CADPS2: variants seen among roughly 807,000 people sequenced by gnomAD.
The protein encoded by CADPS2 is calcium-dependent secretion activator 2.
A neutral mutation model predicts 172.5 loss-of-function variants in CADPS2; 93 were observed. That is an observed-to-expected ratio of 0.54 (90% confidence interval 0.46 to 0.64). The LOEUF (loss-of-function observed/expected upper bound fraction) is 0.64. Among genes scored for constraint, CADPS2 ranks in the 30% least tolerant of loss-of-function variants. The pLI is 0.00. For missense variants in CADPS2, 1,420 were observed against 1,565.9 expected (o/e 0.91, Z 1.57); for synonymous variants, 546 against 555.2 (o/e 0.98, Z 0.23).
chr7:122,720,947 G>A (rs1218327187), intron 2 of CADPS2, among the ~76,000 whole-genome samples: 3 of 151,950 alleles, frequency 2.0e-5, no homozygotes, highest in Admixed American at 6.6e-5. Flanking sequence ...TGAAATATAT[G>A]TGCCAGGCGT....
chr7:122,493,630 A>T (rs2058490158), intron 9 of CADPS2, among the ~76,000 whole-genome samples: 1 of 152,144 alleles, frequency 6.6e-6, no homozygotes, highest in Non-Finnish European at 1.5e-5. Flanking sequence ...ATCTGGCAAC[A>T]GGTTCTATGA....
intron 1 of CADPS2, among the ~76,000 whole-genome samples, chr7:122,797,912 T>C (rs1031942650): frequency 4.6e-5 from 7 of 152,150 alleles, no homozygotes; most frequent in Non-Finnish European, 5.9e-5. Context: ...GAATGTATGA[T>C]TTTAACTCAT....
chr7:122,550,061 G>A (rs547411076), intron 8 of CADPS2, among the ~76,000 whole-genome samples: 1 of 143,924 alleles, frequency 6.9e-6, no homozygotes, highest in Non-Finnish European at 1.5e-5. Context: ...AATATTTAGT[G>A]TGTGAATGCA....
intron 17 of CADPS2, among the ~76,000 whole-genome samples, chr7:122,429,895 A>G (rs2049657457): frequency 6.6e-6 from 1 of 152,108 alleles, no homozygotes; most frequent in Non-Finnish European, 1.5e-5. Flanking sequence ...TTTTTTTAAT[A>G]AACACGTGGC....
At chr7:122,677,415 G>C (rs1357039257) in intron 2 of CADPS2, among the ~76,000 whole-genome samples, 1 of 152,202 alleles carries the variant, frequency 6.6e-6, no homozygotes, top group Non-Finnish European at 1.5e-5. Context: ...TGAAGGGCCT[G>C]AGAGTACAGT....
chr7:122,352,634 A>C (rs894181405), intron 27 of CADPS2, among the ~76,000 whole-genome samples: 1 of 152,200 alleles, frequency 6.6e-6, no homozygotes, highest in Non-Finnish European at 1.5e-5. Flanking sequence ...CTCTAGGTGA[A>C]TATGCCCCTG....
chr7:122,786,532 G>C (rs1423165486), intron 1 of CADPS2, among the ~76,000 whole-genome samples: 5 of 152,130 alleles, frequency 3.3e-5, no homozygotes, highest in African/African-American at 1.2e-4. Flanking sequence ...AATTTATGAA[G>C]AACTTTGATA....
intron 2 of CADPS2, among the ~76,000 whole-genome samples, chr7:122,685,220 T>A (rs940757512): frequency 6.6e-6 from 1 of 152,120 alleles, no homozygotes; most frequent in African/African-American, 2.4e-5. Context: ...CCAAACAATA[T>A]CAAACTCCTT....
At position 122,399,872 on chromosome 7, in the gene CADPS2, G is replaced by C. The variant is rs1445508755; in HGVS notation, c.2747-6290C>G. ...CGGCTAACTTTTTGTATTTTTAGTA[G>C]AGACGGGGTTTCACCGTGGTCTCGA... is the stretch of plus-strand genomic sequence containing the variant. On this transcript the variant is annotated intron_variant, in intron 20 of 29. Coordinates refer to ENST00000449022, the MANE Select transcript of CADPS2 (RefSeq NM_017954.11). Among the ~76,000 whole-genome samples, 16 of 149,452 alleles carry C rather than the reference G, an allele frequency of 1.1e-4. No individual in the cohort carries two copies. In the East Asian group the frequency reaches 3.3e-3, roughly 31 times the overall value.
At chr7:122,601,351 T>A (rs1395604373) in intron 6 of CADPS2, among the ~76,000 whole-genome samples, 2 of 152,084 alleles carry the variant, frequency 1.3e-5, no homozygotes, top group Non-Finnish European at 2.9e-5. Context: ...TTGCTTCAGG[T>A]AAAATTTGCT....
At chr7:122,880,764 T>C (rs1822712291) in intron 1 of CADPS2, among the ~76,000 whole-genome samples, 2 of 152,238 alleles carry the variant, frequency 1.3e-5, no homozygotes, top group Non-Finnish European at 1.5e-5. Context: ...AAGGAAATCA[T>C]ATCAAAACAT....
At chr7:122,704,704 C>T (rs911199387) in intron 2 of CADPS2, among the ~76,000 whole-genome samples, 16 of 151,994 alleles carry the variant, frequency 1.1e-4, no homozygotes, top group African/African-American at 3.9e-4. Flanking sequence ...TAGAACTGCC[C>T]TCTCTTCTGC....
intron 8 of CADPS2, among the ~76,000 whole-genome samples, chr7:122,541,199 ATTTTTTTT>A (rs35364064): frequency 7.2e-6 from 1 of 138,126 alleles, no homozygotes; most frequent in African/African-American, 2.7e-5. Context: ...TTATGAGATG[ATTTTTTTT>A]TTTTTTTTTG....
intron 1 of CADPS2, among the ~76,000 whole-genome samples, chr7:122,839,107 C>A (rs1004891610): frequency 6.6e-6 from 1 of 152,018 alleles, no homozygotes; most frequent in Non-Finnish European, 1.5e-5. Context: ...CAGAACAGAG[C>A]CCTCAGAAAT....
chr7:122,820,298 A>G (rs144452351), intron 1 of CADPS2, among the ~76,000 whole-genome samples: 6 of 152,092 alleles, frequency 3.9e-5, no homozygotes, highest in Non-Finnish European at 8.8e-5. Context: ...AGCTTCACAG[A>G]TAGCCCCCAT....
intron 1 of CADPS2, among the ~76,000 whole-genome samples, chr7:122,883,183 G>GA (rs1823401204): frequency 6.6e-6 from 1 of 151,980 alleles, no homozygotes; most frequent in Non-Finnish European, 1.5e-5. Context: ...TTAGCCAAGT[G>GA]AAAAAAATAA....
At chr7:122,464,883 G>A (rs1455705762) in intron 14 of CADPS2, among the ~76,000 whole-genome samples, 1 of 152,098 alleles carries the variant, frequency 6.6e-6, no homozygotes, top group Non-Finnish European at 1.5e-5. Context: ...AATAAGGACT[G>A]GTGTTCAGTT....
intron 2 of CADPS2, among the ~76,000 whole-genome samples, chr7:122,684,739 C>A (rs1790100872): frequency 6.6e-6 from 1 of 152,042 alleles, no homozygotes; most frequent in Non-Finnish European, 1.5e-5. Flanking sequence ...AAAGCCAAAC[C>A]ATTACATGTT....
chr7:122,361,244 TTTA>T (rs2040094604), intron 25 of CADPS2, among the ~76,000 whole-genome samples: 3 of 139,314 alleles, frequency 2.2e-5, no homozygotes, highest in Non-Finnish European at 3.1e-5. Context: ...TTTTTTTTTT[TTTA>T]AAATGAGATG....
Sources: gnomAD v4.1 joint callset for allele counts (sites outside exome capture counted in the v4.1 genomes callset) on GRCh38, gnomAD v4.1.1 for gene constraint, MANE v1.5 for transcripts, NCBI Gene and HGNC (gene_info 2026-07-23, HGNC 2026-07-21) for gene names.